Variants in SDK1 observed in about 807,000 individuals in gnomAD.
SDK1 encodes protein sidekick-1.
A neutral mutation model predicts 245.5 loss-of-function variants in SDK1; 157 were observed. The ratio of observed to expected loss-of-function variants is 0.64; its 90% confidence interval spans 0.56 to 0.73. The LOEUF (loss-of-function observed/expected upper bound fraction) is 0.73. Among genes scored for constraint, SDK1 ranks in the 30% least tolerant of loss-of-function variants. The pLI is 0.00. For synonymous variants in SDK1, 1,647 were observed against 1,278.5 expected, an observed-to-expected ratio of 1.29 and a Z score of -6.15; for missense variants, 3,583 against 3,002.3, an observed-to-expected ratio of 1.19 and a Z score of -4.52.
intron 1 of SDK1, among the ~76,000 whole-genome samples, chr7:3,462,572 A>T (rs1780866883): frequency 6.6e-6 from 1 of 152,176 alleles, no homozygotes; most frequent in Non-Finnish European, 1.5e-5. Flanking sequence ...TTCTACTTAT[A>T]TCTTTCTAAG....
At chr7:4,089,958 A>G (rs552228919) in intron 22 of SDK1, among the ~76,000 whole-genome samples, 19 of 152,188 alleles carry the variant, frequency 1.2e-4, no homozygotes, top group East Asian at 5.8e-4. Context: ...GACCTTGACA[A>G]TTTTGAAGAC....
chr7:4,231,143 A>G (rs966846746), intron 40 of SDK1, among the ~76,000 whole-genome samples: 7 of 152,190 alleles, frequency 4.6e-5, no homozygotes, highest in African/African-American at 1.7e-4. Flanking sequence ...AACTACATAC[A>G]GCCAGCAATC....
At chr7:3,404,231 A>G (rs369898429) in intron 1 of SDK1, among the ~76,000 whole-genome samples, 1 of 152,106 alleles carries the variant, frequency 6.6e-6, no homozygotes, top group African/African-American at 2.4e-5. Context: ...TGAAAAACAT[A>G]ATATCTGTGA....
intron 40 of SDK1, 117 bp downstream of exon 40, chr7:4,221,481 A>G: frequency 7.6e-7 from 1 of 1,321,920 alleles, no homozygotes; most frequent in Non-Finnish European, 1.0e-6. Context: ...CAAAGCTGGG[A>G]CCAAGAGGGC....
At chr7:3,731,355 G>A (rs892413469) in intron 4 of SDK1, among the ~76,000 whole-genome samples, 3 of 152,134 alleles carry the variant, frequency 2.0e-5, no homozygotes, top group African/African-American at 4.8e-5. Context: ...ATTAGGAGGC[G>A]AGCCCCGGGA....
chr7:3,895,477 C>T (rs1202709408), intron 5 of SDK1, among the ~76,000 whole-genome samples: 2 of 152,148 alleles, frequency 1.3e-5, no homozygotes, highest in East Asian at 1.9e-4. Flanking sequence ...ATGTGGCTAG[C>T]CACATTTGAC....
intron 1 of SDK1, among the ~76,000 whole-genome samples, chr7:3,505,267 G>C (rs919337925): frequency 1.3e-5 from 2 of 152,110 alleles, no homozygotes; most frequent in East Asian, 1.9e-4. Flanking sequence ...AACTGACTGA[G>C]ACTGGGTTTC....
At chr7:4,034,050 T>C (rs1462448818) in intron 17 of SDK1, among the ~76,000 whole-genome samples, 1 of 152,196 alleles carries the variant, frequency 6.6e-6, no homozygotes, top group Non-Finnish European at 1.5e-5. Context: ...CAGAACTGTG[T>C]ACCACTGGAT....
At chr7:3,918,484 T>A (rs903249630) in intron 5 of SDK1, among the ~76,000 whole-genome samples, 6 of 152,140 alleles carry the variant, frequency 3.9e-5, no homozygotes, top group Admixed American at 3.9e-4. Flanking sequence ...TCTGTCCCTG[T>A]CTCCCATCAC....
chr7:3,516,688 G>C (rs1046239110), intron 1 of SDK1, among the ~76,000 whole-genome samples: 3 of 152,120 alleles, frequency 2.0e-5, no homozygotes, highest in Admixed American at 1.3e-4. Flanking sequence ...TTATGTGTTT[G>C]TATAAATGAT....
intron 1 of SDK1, among the ~76,000 whole-genome samples, chr7:3,393,056 C>A (rs373987018): frequency 7.0e-6 from 1 of 142,380 alleles, no homozygotes; most frequent in African/African-American, 2.6e-5. Flanking sequence ...CTGCAATCTC[C>A]GCCTCCTAGG....
intron 4 of SDK1, among the ~76,000 whole-genome samples, chr7:3,694,432 G>A (rs1277234232): frequency 2.0e-5 from 3 of 152,160 alleles, no homozygotes; most frequent in African/African-American, 4.8e-5. Context: ...TGGCAAGCGG[G>A]GAATAGCAGC....
chr7:4,092,729 G>C (rs1023804192), intron 22 of SDK1, among the ~76,000 whole-genome samples: 3 of 152,118 alleles, frequency 2.0e-5, no homozygotes, highest in African/African-American at 4.8e-5. Flanking sequence ...AGGTCTGCTG[G>C]GGCGCCGGGA....
chr7:4,178,431 G>T (rs1364096937), intron 34 of SDK1, 54 bp from the exon 35 acceptor site: 23 of 1,334,662 alleles, frequency 1.7e-5, no homozygotes, highest in Non-Finnish European at 2.4e-5. Flanking sequence ...GAACTTTGGA[G>T]AAAGAGAAGG....
At chr7:3,441,052 C>G (rs907701263) in intron 1 of SDK1, among the ~76,000 whole-genome samples, 1 of 152,106 alleles carries the variant, frequency 6.6e-6, no homozygotes, top group Non-Finnish European at 1.5e-5. Flanking sequence ...CGTCTTTCAC[C>G]CTACTTCATC....
At chr7:3,855,872 C>G (rs1206034902) in intron 5 of SDK1, among the ~76,000 whole-genome samples, 1 of 152,114 alleles carries the variant, frequency 6.6e-6, no homozygotes, top group Non-Finnish European at 1.5e-5. Flanking sequence ...GAAGTGAAGA[C>G]TATAAGACTT....
intron 1 of SDK1, among the ~76,000 whole-genome samples, chr7:3,464,314 G>C (rs143259222): frequency 4.5e-4 from 69 of 152,216 alleles, no homozygotes; most frequent in Middle Eastern, 6.8e-3. Context: ...GCTTGAGGCC[G>C]GGAGTTCTAG....
At chr7:3,839,330 G>A (rs929538732) in intron 5 of SDK1, among the ~76,000 whole-genome samples, 1 of 152,076 alleles carries the variant, frequency 6.6e-6, no homozygotes, top group African/African-American at 2.4e-5. Flanking sequence ...TTAATAAGTG[G>A]GTAAGAAATC....
intron 1 of SDK1, among the ~76,000 whole-genome samples, chr7:3,418,462 T>C (rs185804075): frequency 3.0e-4 from 46 of 152,316 alleles, no homozygotes; most frequent in African/African-American, 9.9e-4. Context: ...CCTAGAGGTT[T>C]CTGATCTCTG....
Sources: gnomAD v4.1 joint callset for allele counts (sites outside exome capture counted in the v4.1 genomes callset) on GRCh38, gnomAD v4.1.1 for gene constraint, MANE v1.5 for transcripts, NCBI Gene and HGNC (gene_info 2026-07-23, HGNC 2026-07-21) for gene names.